Variants in NAALADL2 observed in about 807,000 individuals in gnomAD.
The protein encoded by NAALADL2 is inactive N-acetylated-alpha-linked acidic dipeptidase-like protein 2.
NAALADL2 carries 76 observed loss-of-function variants against 87.2 expected under a neutral mutation model. The observed-to-expected ratio is 0.87, with a 90% confidence interval of 0.72 to 1.05. The LOEUF (loss-of-function observed/expected upper bound fraction) is 1.05, where lower values mean the gene tolerates loss of function less well. Among genes scored for constraint, NAALADL2 ranks in the 50% least tolerant of loss-of-function variants. The pLI is 0.00. For synonymous variants in NAALADL2, 354 were observed against 331.0 expected (o/e 1.07, Z -0.75); for missense variants, 1,089 against 945.8 (o/e 1.15, Z -1.99).
At chr3:174,812,096 C>A (rs1720279031) in intron 3 of NAALADL2, among the ~76,000 whole-genome samples, 1 of 152,148 alleles carries the variant, frequency 6.6e-6, no homozygotes, top group Non-Finnish European at 1.5e-5. Context: ...GCCTGCAGAA[C>A]CATGAGCCAA....
At chr3:175,688,069 C>T (rs1736554144) in intron 11 of NAALADL2, among the ~76,000 whole-genome samples, 1 of 152,024 alleles carries the variant, frequency 6.6e-6, no homozygotes, top group Admixed American at 6.6e-5. Flanking sequence ...CCAATAGTCT[C>T]AAAGTTTGAA....
intron 9 of NAALADL2, among the ~76,000 whole-genome samples, chr3:175,538,504 G>A (rs549713573): frequency 6.6e-6 from 1 of 151,950 alleles, no homozygotes; most frequent in South Asian, 2.1e-4. Flanking sequence ...CATAGAATAG[G>A]TCCTGGCTTT....
chr3:175,596,373 T>C (rs1338456227), intron 10 of NAALADL2, among the ~76,000 whole-genome samples: 1 of 151,932 alleles, frequency 6.6e-6, no homozygotes, highest in Non-Finnish European at 1.5e-5. Flanking sequence ...AGCTAAATTA[T>C]ACTATTTTAG....
At chr3:175,521,276 T>C (rs1331334890) in intron 9 of NAALADL2, among the ~76,000 whole-genome samples, 1 of 152,130 alleles carries the variant, frequency 6.6e-6, no homozygotes. Context: ...CTATTTTAAC[T>C]TGAGACAAAA....
chr3:175,154,183 G>T (rs1731964481), intron 2 of NAALADL2, among the ~76,000 whole-genome samples: 1 of 152,052 alleles, frequency 6.6e-6, no homozygotes, highest in South Asian at 2.1e-4. Flanking sequence ...ATCTGAGGCT[G>T]CCTTTAATGA....
chr3:174,498,332 T>C (rs1463054603), intron 1 of NAALADL2, among the ~76,000 whole-genome samples: 1 of 152,064 alleles, frequency 6.6e-6, no homozygotes, highest in African/African-American at 2.4e-5. Flanking sequence ...AGTTTTGAGA[T>C]TCATGCATAT....
At chr3:175,259,487 C>A (rs189236061) in intron 4 of NAALADL2, among the ~76,000 whole-genome samples, 11 of 152,148 alleles carry the variant, frequency 7.2e-5, no homozygotes, top group African/African-American at 2.7e-4. Context: ...GAAAAATGAA[C>A]CTCTAGGGAT....
At chr3:175,293,910 C>T (rs955761170) in intron 4 of NAALADL2, among the ~76,000 whole-genome samples, 6 of 152,110 alleles carry the variant, frequency 3.9e-5, no homozygotes, top group African/African-American at 1.4e-4. Context: ...AAAGTGAATA[C>T]AGAGTTAGAC....
chr3:175,718,698 G>A, intron 11 of NAALADL2: 2 of 1,499,472 alleles, frequency 1.3e-6, no homozygotes, highest in Non-Finnish European at 1.8e-6. Context: ...TTATAGAGAT[G>A]GAAGATCACT....
Position 175,563,675 on chromosome 3 carries a change from C to T in NAALADL2, c.1654-12366C>T, listed in dbSNP as rs116581503. Among the ~76,000 whole-genome samples the T allele has an allele frequency of 6.9e-3, 1,052 of 152,292 alleles. 6 individuals carry two copies. The highest frequency in any genetic ancestry group is 0.024 in the African/African-American group (978 of 41,564). On this transcript the variant is annotated intron_variant, in intron 9 of 13. Transcript: ENST00000454872. ...TAGAAAGAGAGACAAAAGAAATTCT[C>T]TGCCTTCAAAAACATGTAGGAGAGG...
chr3:175,123,406 G>A (rs1726445459), intron 2 of NAALADL2, among the ~76,000 whole-genome samples: 2 of 151,862 alleles, frequency 1.3e-5, no homozygotes, highest in African/African-American at 4.8e-5. Flanking sequence ...CCGAGTACTT[G>A]GCATAGTGCC....
At position 174,996,622 on chromosome 3, in the gene NAALADL2, CCAG is replaced by C. The variant is rs1482795475; in HGVS notation, c.44-100164_44-100162del. Among the ~76,000 whole-genome samples, 3 of 152,116 alleles carry C rather than the reference CCAG, an allele frequency of 2.0e-5. No individual in the cohort carries two copies. The East Asian group carries it at 5.8e-4, about 29-fold the overall frequency. ...TACCAAATACCCACCTTATTGAAAA[CCAG>C]CAGAGCCTTGATAATTTTCTTTTAT... On this transcript the variant is annotated intron_variant, in intron 1 of 13. Transcript: ENST00000454872.
At chr3:174,487,751 G>A (rs1209145793) in intron 1 of NAALADL2, among the ~76,000 whole-genome samples, 2 of 151,312 alleles carry the variant, frequency 1.3e-5, no homozygotes, top group African/African-American at 4.9e-5. Flanking sequence ...GCAGGTAGAC[G>A]TGTCTATGCT....
intron 1 of NAALADL2, among the ~76,000 whole-genome samples, chr3:175,026,422 G>A (rs892323799): frequency 3.3e-5 from 5 of 150,226 alleles, no homozygotes; most frequent in Middle Eastern, 3.4e-3. Flanking sequence ...TGAGGCAGGC[G>A]GATCATGAGG....
At chr3:175,320,701 CA>C (rs1759741102) in intron 4 of NAALADL2, among the ~76,000 whole-genome samples, 1 of 152,086 alleles carries the variant, frequency 6.6e-6, no homozygotes, top group Admixed American at 6.5e-5. Flanking sequence ...TTAAAATAAG[CA>C]AACACCTCTA....
intron 11 of NAALADL2, among the ~76,000 whole-genome samples, chr3:175,652,620 AGGC>A (rs1297170168): frequency 1.3e-5 from 2 of 151,352 alleles, no homozygotes; most frequent in Non-Finnish European, 2.9e-5. Context: ...CTGGGACTAC[AGGC>A]GCCCACCACC....
rs1748976039 is a variant in NAALADL2 at position 175,251,056 on chromosome 3, G to GT, written c.820-5350dup. ...GAAACGAGATTTCTATAAAAACGAG[G>GT]TTTTTATTTTAAAATGTTTGTGATC... On this transcript the variant is annotated intron_variant, in intron 3 of 13. Transcript: ENST00000454872. 2.0e-5 allele frequency among the ~76,000 whole-genome samples: 3 copies of GT among 152,104 alleles called. No individual in the cohort carries two copies. The South Asian group carries it at 6.2e-4, about 31-fold the overall frequency.
intron 13 of NAALADL2, among the ~76,000 whole-genome samples, chr3:175,787,165 G>GT (rs1266956717): frequency 2.0e-5 from 3 of 152,170 alleles, no homozygotes; most frequent in Non-Finnish European, 4.4e-5. Flanking sequence ...CTGTCTTTTT[G>GT]TTTGTCTGTG....
rs1458348495 is a variant in NAALADL2 at position 175,140,152 on chromosome 3, T to A, written c.545+42861T>A. ...CTTGACTAAAGCCCTCCGTGCCTAGTTTCTGAGGGATAATTGTGGCCATCT... is the reference window on the plus strand; with the variant it reads ...CTTGACTAAAGCCCTCCGTGCCTAGATTCTGAGGGATAATTGTGGCCATCT... On this transcript the variant is annotated intron_variant, in intron 2 of 13. Coordinates refer to ENST00000454872, the MANE Select transcript of NAALADL2 (RefSeq NM_207015.3). Among the ~76,000 whole-genome samples the A allele has an allele frequency of 5.3e-5, 8 of 152,146 alleles. No individual in the cohort carries two copies. The East Asian group carries it at 1.5e-3, about 29-fold the overall frequency.
Sources: allele counts gnomAD v4.1 joint callset (sites outside exome capture counted in the v4.1 genomes callset), GRCh38; gene constraint gnomAD v4.1.1; transcripts MANE v1.5; gene names NCBI Gene and HGNC (gene_info 2026-07-23, HGNC 2026-07-21).